EXOC5: variants seen among roughly 807,000 people sequenced by gnomAD.
EXOC5 encodes SEC10-like 1.
EXOC5 carries 17 observed loss-of-function variants against 90.8 expected under a neutral mutation model. The ratio of observed to expected loss-of-function variants is 0.19; its 90% CI spans 0.13 to 0.28. EXOC5 has a LOEUF of 0.28. EXOC5 is among the 10% of genes least tolerant of loss of function. The pLI is 1.00. For synonymous variants in EXOC5, 260 were observed against 270.0 expected (o/e 0.96, Z 0.36); for missense variants, 569 against 830.6 (o/e 0.69, Z 3.87).
chr14:57,231,116 C>T (rs1240685459), intron 11 of EXOC5, among the ~76,000 whole-genome samples: 1 of 150,838 alleles, frequency 6.6e-6, no homozygotes, highest in East Asian at 1.9e-4. Context: ...TCAAGTGATT[C>T]TCCTGCTTCA....
chr14:57,262,322 G>C (rs186486431), intron 1 of EXOC5, among the ~76,000 whole-genome samples: 2 of 152,160 alleles, frequency 1.3e-5, no homozygotes, highest in East Asian at 3.9e-4. Context: ...GAGGTACAAA[G>C]AGGTTGGGTA....
At chr14:57,248,677 T>C (rs987677842) in intron 1 of EXOC5, among the ~76,000 whole-genome samples, 1 of 152,106 alleles carries the variant, frequency 6.6e-6, no homozygotes, top group African/African-American at 2.4e-5. Flanking sequence ...GGATACCACA[T>C]ATTGCCTCCT....
Position 57,234,423 on chromosome 14 carries a change from G to A in EXOC5, c.670-391C>T, listed in dbSNP as rs113991018. On this transcript the variant is annotated intron_variant, in intron 7 of 17. Transcript: ENST00000621441. ...AACACACACATACACAGAGAGTCAA[G>A]GTCTTGGGAAAAGGTTTTACATATA... Among the ~76,000 whole-genome samples the A allele has an allele frequency of 4.9e-4, 74 of 149,608 alleles. 1 individual carries two copies. Among genetic ancestry groups the A allele is most frequent in the African/African-American group, 1.8e-3 (72 of 40,826 alleles).
chr14:57,228,304 A>T (rs1048269265), intron 12 of EXOC5, among the ~76,000 whole-genome samples: 1 of 152,166 alleles, frequency 6.6e-6, no homozygotes, highest in Non-Finnish European at 1.5e-5. Flanking sequence ...ATGATTCCTC[A>T]AGGATCTAGA....
chr14:57,252,642 G>A (rs1358911321), intron 1 of EXOC5, among the ~76,000 whole-genome samples: 10 of 152,106 alleles, frequency 6.6e-5, no homozygotes, highest in African/African-American at 2.4e-4. Flanking sequence ...GATAAGTGTT[G>A]GTGAAAATGT....
At chr14:57,240,170 T>C (rs1392116588) in intron 4 of EXOC5, among the ~76,000 whole-genome samples, 3 of 151,968 alleles carry the variant, frequency 2.0e-5, no homozygotes, top group African/African-American at 7.2e-5. Context: ...AGCCCCATGA[T>C]GAAATATAAT....
chr14:57,257,264 A>G (rs1019860102), intron 1 of EXOC5, among the ~76,000 whole-genome samples: 1 of 152,250 alleles, frequency 6.6e-6, no homozygotes, highest in African/African-American at 2.4e-5. Flanking sequence ...TGGGAAGATC[A>G]GGGAAGGAGA....
intron 3 of EXOC5, 50 bp from the exon 4 acceptor site, chr14:57,244,409 T>G: frequency 8.1e-7 from 1 of 1,235,572 alleles, no homozygotes; most frequent in South Asian, 1.2e-5. Context: ...GCTCAGTTTA[T>G]AATCTAAACT....
intron 13 of EXOC5, among the ~76,000 whole-genome samples, chr14:57,221,537 A>G (rs953674857): frequency 7.9e-5 from 12 of 152,314 alleles, no homozygotes; most frequent in Non-Finnish European, 1.3e-4. Context: ...AAGATGGAGA[A>G]GAGTACATGA....
chr14:57,256,003 T>C (rs1884338862), intron 1 of EXOC5, among the ~76,000 whole-genome samples: 1 of 152,126 alleles, frequency 6.6e-6, no homozygotes, highest in Non-Finnish European at 1.5e-5. Flanking sequence ...AGTTTGTGCT[T>C]GGGATCCCTG....
In EXOC5 at chr14:57,203,459, A is replaced by G. The variant is rs552216314; in HGVS notation, c.*5150T>C. ...TGTTAGTTCTATCCAAACTTCACTTAGTTTATTAACATAAAGATAACTGGA... is the reference window on the plus strand; with the variant it reads ...TGTTAGTTCTATCCAAACTTCACTTGGTTTATTAACATAAAGATAACTGGA... On this transcript the variant is annotated 3_prime_UTR_variant, in exon 18 of 18. Coordinates refer to ENST00000621441, the MANE Select transcript of EXOC5 (RefSeq NM_006544.4). The G allele has an allele frequency of 7.9e-5, 12 of 152,626 alleles. No homozygotes were observed. Among genetic ancestry groups the G allele is most frequent in the Non-Finnish European group, 1.6e-4 (11 of 68,028 alleles). The allele number at this position is 152,626 out of a possible 1,614,324, so 9.5% of individuals were successfully genotyped here.
chr14:57,230,481 C>T (rs1883451085), intron 11 of EXOC5, among the ~76,000 whole-genome samples: 1 of 151,672 alleles, frequency 6.6e-6, no homozygotes, highest in African/African-American at 2.4e-5. Context: ...CATTAGTTTT[C>T]CTCTTCCCTT....
Position 57,262,564 on chromosome 14 carries a change from GTA to G in EXOC5, c.27+6056_27+6057del, listed in dbSNP as rs995841021. 3.4e-4 allele frequency among the ~76,000 whole-genome samples: 45 copies of G among 134,222 alleles called. 2 individuals are homozygous for G. In the South Asian group the frequency reaches 4.3e-3, roughly 13 times the overall value. 88.1% of individuals were successfully genotyped at this position (134,222 alleles called of 152,430 possible). ...TGTGTGTGTGTGTGTGTGTGTGTGT[GTA>G]TATATATATACGTATATATATACAC... On this transcript the variant is annotated intron_variant, in intron 1 of 17. Transcript: ENST00000621441.
intron 15 of EXOC5, among the ~76,000 whole-genome samples, chr14:57,215,733 G>GA (rs1882953646): frequency 6.6e-6 from 1 of 152,146 alleles, no homozygotes; most frequent in African/African-American, 2.4e-5. Flanking sequence ...AGCTCAAAGT[G>GA]AAAAGCTCAA....
At chr14:57,267,357 CAAAA>C (rs1254493001) in intron 1 of EXOC5, among the ~76,000 whole-genome samples, 1 of 151,980 alleles carries the variant, frequency 6.6e-6, no homozygotes, top group African/African-American at 2.4e-5. Flanking sequence ...TTACTCCTCT[CAAAA>C]AAAGCATTAT....
intron 1 of EXOC5, among the ~76,000 whole-genome samples, chr14:57,262,723 G>GTATATATGTGTGTGTGTA (rs1884550509): frequency 2.1e-5 from 3 of 141,148 alleles, no homozygotes; most frequent in African/African-American, 7.6e-5. Context: ...ATATGTGTGT[G>GTATATATGTGTGTGTGTA]TATATATACG....
chr14:57,200,772 A>G lies in EXOC5; in HGVS notation c.*7837T>C, dbSNP rs1384026352. 1 of 151,944 alleles carries G rather than the reference A, an allele frequency of 6.6e-6. No homozygotes were observed. Among genetic ancestry groups the G allele is most frequent in the Non-Finnish European group, 1.5e-5 (1 of 67,996 alleles). 9.4% of individuals were successfully genotyped at this position (151,944 alleles called of 1,614,324 possible). Reference sequence around the variant, plus strand: ...CTCACTACATTAAAAAAAAAAAAAAAAAACTTCCACCAAAAATATAGTTGT... The same window carrying G: ...CTCACTACATTAAAAAAAAAAAAAAGAAACTTCCACCAAAAATATAGTTGT... On this transcript the variant is annotated 3_prime_UTR_variant, in exon 18 of 18. Coordinates refer to ENST00000621441, the MANE Select transcript of EXOC5 (RefSeq NM_006544.4).
chr14:57,229,388 G>A (rs774005361), intron 12 of EXOC5, among the ~76,000 whole-genome samples: 3 of 151,938 alleles, frequency 2.0e-5, no homozygotes, highest in African/African-American at 4.8e-5. Flanking sequence ...TGCATCAGCA[G>A]ATTCAACCAG....
At chr14:57,235,253 T>C (rs1043256875) in intron 7 of EXOC5, among the ~76,000 whole-genome samples, 10 of 152,152 alleles carry the variant, frequency 6.6e-5, no homozygotes, top group African/African-American at 2.4e-4. Context: ...GTTCAAATTC[T>C]AGGTAAACAA....
Sources: allele counts gnomAD v4.1 joint callset (sites outside exome capture counted in the v4.1 genomes callset), GRCh38; gene constraint gnomAD v4.1.1; transcripts MANE v1.5; gene names NCBI Gene and HGNC (gene_info 2026-07-23, HGNC 2026-07-21).